Variants in ANKIB1 observed in about 807,000 individuals in gnomAD.
The protein encoded by ANKIB1 is ankyrin repeat and IBR domain containing 1, also known as ankyrin repeat and IBR domain-containing protein 1.
ANKIB1 carries 43 observed loss-of-function variants against 122.1 expected under a neutral mutation model. The observed-to-expected ratio is 0.35, with a 90% CI of 0.28 to 0.45. ANKIB1 has a LOEUF of 0.45. ANKIB1 is among the 20% of genes least tolerant of loss of function. The pLI, the probability that ANKIB1 is intolerant of heterozygous loss-of-function variation, is 1.00. For synonymous variants in ANKIB1, 390 were observed against 442.0 expected (o/e 0.88, Z 1.48); for missense variants, 992 against 1,329.5 (o/e 0.75, Z 3.95).
chr7:92,273,637 T>C (rs1212019523), intron 1 of ANKIB1, among the ~76,000 whole-genome samples: 1 of 152,178 alleles, frequency 6.6e-6, no homozygotes, highest in Non-Finnish European at 1.5e-5. Context: ...GGAAGATGGG[T>C]TATTATAGTC....
intron 1 of ANKIB1, among the ~76,000 whole-genome samples, chr7:92,262,485 A>T (rs1801586262): frequency 6.6e-6 from 1 of 152,218 alleles, no homozygotes; most frequent in Admixed American, 6.5e-5. Flanking sequence ...GTATAGCAGA[A>T]TTTGATTATT....
chr7:92,298,768 TAAA>T (rs34091044), intron 2 of ANKIB1, among the ~76,000 whole-genome samples: 15 of 117,592 alleles, frequency 1.3e-4, no homozygotes, highest in Admixed American at 4.5e-4. Flanking sequence ...CACTTGCAGT[TAAA>T]AAAAAAAAAA....
At chr7:92,397,940 C>T in intron 19 of ANKIB1, 81 bp downstream of exon 19, 19 of 1,498,216 alleles carry the variant, frequency 1.3e-5, no homozygotes, top group Non-Finnish European at 1.6e-5. Context: ...ACTTTCATCG[C>T]TTTCCTATTT....
chr7:92,390,446 A>G (rs1213256464), intron 15 of ANKIB1, among the ~76,000 whole-genome samples: 1 of 152,192 alleles, frequency 6.6e-6, no homozygotes, highest in Non-Finnish European at 1.5e-5. Context: ...TGAAAGATGA[A>G]AACAACCCAC....
chr7:92,378,491 A>G (rs1804438029), intron 11 of ANKIB1, among the ~76,000 whole-genome samples: 1 of 152,004 alleles, frequency 6.6e-6, no homozygotes. Flanking sequence ...AAAAAAAAAA[A>G]AAAAAATCAA....
chr7:92,309,669 G>A (rs1802643272), intron 3 of ANKIB1, among the ~76,000 whole-genome samples: 1 of 151,846 alleles, frequency 6.6e-6, no homozygotes, highest in Non-Finnish European at 1.5e-5. Flanking sequence ...GCTCACACCT[G>A]TAATCCCAGC....
intron 1 of ANKIB1, among the ~76,000 whole-genome samples, chr7:92,269,853 TTGATACATAGGTA>T (rs1244976608): frequency 1.3e-5 from 2 of 152,082 alleles, no homozygotes; most frequent in Non-Finnish European, 2.9e-5. Context: ...GCGTGCAGGT[TTGATACATAGGTA>T]TACATGTGCC....
At chr7:92,327,392 T>C (rs561674770) in intron 4 of ANKIB1, among the ~76,000 whole-genome samples, 1 of 152,332 alleles carries the variant, frequency 6.6e-6, no homozygotes, top group South Asian at 2.1e-4. Flanking sequence ...TCCTTGGGGA[T>C]TGGTTTCAGG....
intron 1 of ANKIB1, among the ~76,000 whole-genome samples, chr7:92,263,984 A>G (rs1450630097): frequency 6.6e-6 from 1 of 152,198 alleles, no homozygotes; most frequent in Non-Finnish European, 1.5e-5. Context: ...ATTTGACTGG[A>G]CAAATAAAAT....
rs551381522 is a variant in ANKIB1 at position 92,246,267 on chromosome 7, C to T, written c.-343C>T. 9.9e-5 allele frequency: 39 copies of T among 395,212 alleles called. No homozygotes were observed. The Middle Eastern group carries it at 2.5e-3, about 25-fold the overall frequency. 24.5% of individuals were successfully genotyped at this position (395,212 alleles called of 1,614,324 possible). A position where few individuals can be genotyped will look rare whatever the true frequency, so the allele number is the denominator to read the frequency against. On this transcript the variant is annotated 5_prime_UTR_variant, in exon 1 of 20. Coordinates refer to ENST00000265742, the MANE Select transcript of ANKIB1 (RefSeq NM_019004.2). ...CCGGAGAGGGATGGGGGGCGCCCAC[C>T]CAGTCTGAGCCTCGCCGCGGGCGCC...
chr7:92,311,230 A>G (rs928104450), intron 3 of ANKIB1, among the ~76,000 whole-genome samples: 4 of 152,282 alleles, frequency 2.6e-5, no homozygotes, highest in African/African-American at 9.6e-5. Context: ...TTAATGTTTC[A>G]TAAAACTAAG....
chr7:92,320,388 C>G (rs1177641694), intron 4 of ANKIB1, among the ~76,000 whole-genome samples: 1 of 152,178 alleles, frequency 6.6e-6, no homozygotes, highest in Non-Finnish European at 1.5e-5. Flanking sequence ...CTTTTCTGCC[C>G]TCATCTTACT....
intron 2 of ANKIB1, among the ~76,000 whole-genome samples, chr7:92,303,105 G>T (rs572748268): frequency 3.7e-4 from 56 of 152,288 alleles, no homozygotes; most frequent in African/African-American, 1.0e-3. Context: ...TAAGAATGTG[G>T]TATGGGGTCA....
In ANKIB1 at chr7:92,264,434, G is replaced by T. The variant is rs148523861; in HGVS notation, c.-91+17915G>T. Among the ~76,000 whole-genome samples, 402 of 151,652 alleles carry T rather than the reference G, an allele frequency of 2.7e-3. 2 individuals carry two copies. Among genetic ancestry groups the T allele is most frequent in the African/African-American group, 9.4e-3 (389 of 41,346 alleles). ...AAATTTTGAGACAGAGTCTTGCCCT[G>T]TCACCCAGGGTGGAGTGCAGTGGCG... On this transcript the variant is annotated intron_variant, in intron 1 of 19. Coordinates refer to ENST00000265742, the MANE Select transcript of ANKIB1 (RefSeq NM_019004.2).
Position 92,318,286 on chromosome 7 carries a change from C to T in ANKIB1, c.487-1044C>T, listed in dbSNP as rs1395865498. On this transcript the variant is annotated intron_variant, in intron 3 of 19. Coordinates refer to ENST00000265742, the MANE Select transcript of ANKIB1 (RefSeq NM_019004.2). ...ATCCTAGTATTTTGGGAGGCCAAGGCGGGTGGATCACCTGAAGTCAGGAGT... is the reference window on the plus strand; with the variant it reads ...ATCCTAGTATTTTGGGAGGCCAAGGTGGGTGGATCACCTGAAGTCAGGAGT... Among the ~76,000 whole-genome samples, 3 of 152,028 alleles carry T rather than the reference C, an allele frequency of 2.0e-5. No individual in the cohort carries two copies. In the South Asian group the frequency reaches 6.2e-4, roughly 32 times the overall value.
chr7:92,282,788 T>C (rs1802035404), intron 1 of ANKIB1, among the ~76,000 whole-genome samples: 1 of 152,206 alleles, frequency 6.6e-6, no homozygotes, highest in Non-Finnish European at 1.5e-5. Flanking sequence ...AGCTGAATAC[T>C]GCCTATGAAA....
intron 11 of ANKIB1, 138 bp downstream of exon 11, chr7:92,371,745 A>G (rs2115640706): frequency 1.0e-6 from 1 of 975,048 alleles, no homozygotes; most frequent in East Asian, 2.7e-5. Context: ...CAGGAGGTTG[A>G]GGCAGGAGGA....
At chr7:92,281,368 A>G (rs964644710) in intron 1 of ANKIB1, among the ~76,000 whole-genome samples, 7 of 152,194 alleles carry the variant, frequency 4.6e-5, no homozygotes, top group East Asian at 1.9e-4. Context: ...AAGGACTCCT[A>G]TCAGTTAGGG....
chr7:92,371,941 T>TGA (rs1478751779), intron 11 of ANKIB1, among the ~76,000 whole-genome samples: 2 of 140,612 alleles, frequency 1.4e-5, no homozygotes, highest in African/African-American at 5.3e-5. Context: ...GTGAGAGTCT[T>TGA]GAGAGAGGGG....
Sources: allele counts gnomAD v4.1 joint callset (sites outside exome capture counted in the v4.1 genomes callset), GRCh38; gene constraint gnomAD v4.1.1; transcripts MANE v1.5; gene names NCBI Gene and HGNC (gene_info 2026-07-23, HGNC 2026-07-21).